SOX6: variants seen among roughly 807,000 people sequenced by gnomAD.
SOX6 encodes transcription factor SOX-6.
SOX6 carries 11 observed loss-of-function variants against 97.8 expected under a neutral mutation model. The ratio of observed to expected loss-of-function variants is 0.11; its 90% CI spans 0.07 to 0.19. The LOEUF (loss-of-function observed/expected upper bound fraction) is 0.19. Among genes scored for constraint, SOX6 ranks in the 10% least tolerant of loss-of-function variants. The pLI, the probability that SOX6 is intolerant of heterozygous loss-of-function variation, is 1.00. For synonymous variants in SOX6, 360 were observed against 371.4 expected (o/e 0.97, Z 0.35); for missense variants, 810 against 1,039.5 (o/e 0.78, Z 3.04).
At chr11:16,678,718 T>G (rs550373738) in intron 3 of SOX6, among the ~76,000 whole-genome samples, 11 of 152,312 alleles carry the variant, frequency 7.2e-5, no homozygotes, top group African/African-American at 2.6e-4. Flanking sequence ...CGTGACAAAC[T>G]GTACCTGGAG....
intron 4 of SOX6, among the ~76,000 whole-genome samples, chr11:16,566,215 A>G (rs1377260544): frequency 1.3e-5 from 2 of 152,174 alleles, no homozygotes; most frequent in Non-Finnish European, 2.9e-5. Flanking sequence ...GATTTAGGCC[A>G]CTAGCTCCTA....
chr11:16,100,595 T>C (rs1397317960), intron 7 of SOX6, among the ~76,000 whole-genome samples: 3 of 151,538 alleles, frequency 2.0e-5, no homozygotes, highest in African/African-American at 7.3e-5. Flanking sequence ...GAAAATAAAT[T>C]CTTAAATTTT....
At chr11:16,542,888 T>G (rs1216119040) in intron 4 of SOX6, among the ~76,000 whole-genome samples, 2 of 152,118 alleles carry the variant, frequency 1.3e-5, no homozygotes. Flanking sequence ...TTTTTCAGAA[T>G]CAGGGACCAG....
intron 1 of SOX6, among the ~76,000 whole-genome samples, chr11:16,406,849 G>A (rs949719772): frequency 2.6e-5 from 4 of 152,048 alleles, no homozygotes; most frequent in Non-Finnish European, 4.4e-5. Context: ...AACTAATGCT[G>A]TCTACATAGC....
intron 4 of SOX6, among the ~76,000 whole-genome samples, chr11:16,197,125 C>T (rs537927606): frequency 4.6e-5 from 7 of 152,226 alleles, no homozygotes; most frequent in South Asian, 4.1e-4. Context: ...GGAGCCACCA[C>T]GCCCAACATC....
chr11:16,601,718 T>A (rs1201786065), intron 4 of SOX6, among the ~76,000 whole-genome samples: 1 of 152,086 alleles, frequency 6.6e-6, no homozygotes, highest in Non-Finnish European at 1.5e-5. Context: ...GTCACTAATA[T>A]CTTCAATATA....
At chr11:16,510,384 T>C (rs185871545) in intron 4 of SOX6, among the ~76,000 whole-genome samples, 197 of 152,182 alleles carry the variant, frequency 1.3e-3, no homozygotes, top group Middle Eastern at 3.4e-3. Context: ...CTTGTATTAA[T>C]TCAGCATCTG....
At position 16,498,012 on chromosome 11, in the gene SOX6, C is replaced by T. The variant is rs184542352; in HGVS notation, n.610-21624G>A. Among the ~76,000 whole-genome samples, 1,038 of 152,232 alleles carry T rather than the reference C, an allele frequency of 6.8e-3. 8 individuals are homozygous for T. Among genetic ancestry groups the T allele is most frequent in the African/African-American group, 0.024 (991 of 41,530 alleles). On this transcript the variant is annotated intron_variant and non_coding_transcript_variant, in intron 4 of 5. Transcript: ENST00000524520. Reference sequence around the variant, plus strand: ...AGAAGAGCAACTCCAAGACACATAACTGTCAGATTCACCAAAGTTGAAATG... The same window carrying T: ...AGAAGAGCAACTCCAAGACACATAATTGTCAGATTCACCAAAGTTGAAATG...
At chr11:16,020,948 T>C (rs933276986) in intron 12 of SOX6, among the ~76,000 whole-genome samples, 1 of 152,116 alleles carries the variant, frequency 6.6e-6, no homozygotes, top group Non-Finnish European at 1.5e-5. Context: ...ATCAAAAACA[T>C]GCTGCACAAG....
In SOX6 at chr11:16,621,534, C is replaced by T. The variant is rs138259260; in HGVS notation, n.430-9274G>A. ...TTTTTCCTGAGAGTATAGTGTTGTA[C>T]ATAAAGATGAGCTAGAGTATTAGAT... On this transcript the variant is annotated intron_variant and non_coding_transcript_variant, in intron 3 of 5. Coordinates refer to the SOX6 transcript ENST00000524520. Among the ~76,000 whole-genome samples the T allele has an allele frequency of 3.1e-4, 47 of 152,234 alleles. No individual in the cohort carries two copies. In the East Asian group the frequency reaches 8.1e-3, roughly 26 times the overall value.
At chr11:16,549,277 C>T (rs12798801) in intron 4 of SOX6, among the ~76,000 whole-genome samples, 1 of 152,140 alleles carries the variant, frequency 6.6e-6, no homozygotes, top group African/African-American at 2.4e-5. Context: ...TCAAGGGATT[C>T]TCCTGCCTCA....
chr11:16,223,762 T>A lies in SOX6; in HGVS notation c.535+10820A>T, dbSNP rs568071056. Among the ~76,000 whole-genome samples the A allele has an allele frequency of 2.3e-3, 354 of 152,264 alleles. 3 individuals carry two copies. The highest frequency in any genetic ancestry group is 7.6e-3 in the Admixed American group (116 of 15,278). On this transcript the variant is annotated intron_variant, in intron 4 of 15. Transcript: ENST00000683767. ...CTAGCCACCATTTCCTGGTAAGCAA[T>A]CTGAATGGCTTCCAGGAAATTGCTA...
chr11:16,319,684 A>G (rs1373430818), intron 2 of SOX6, among the ~76,000 whole-genome samples: 1 of 151,884 alleles, frequency 6.6e-6, no homozygotes, highest in Non-Finnish European at 1.5e-5. Context: ...ATCCTTTTTT[A>G]TGGCGGCATA....
chr11:16,216,869 T>C (rs1852388272), intron 4 of SOX6, among the ~76,000 whole-genome samples: 1 of 152,110 alleles, frequency 6.6e-6, no homozygotes, highest in Non-Finnish European at 1.5e-5. Context: ...GTAAAATGCT[T>C]CTCAACATCC....
chr11:16,263,642 AGTAACATAATTCATG>A (rs1180524773), intron 3 of SOX6, among the ~76,000 whole-genome samples: 1 of 151,994 alleles, frequency 6.6e-6, no homozygotes, highest in Non-Finnish European at 1.5e-5. Flanking sequence ...TCCAGGTCTA[AGTAACATAATTCATG>A]GTAACATAAT....
At chr11:16,122,369 T>A (rs906485468) in intron 6 of SOX6, among the ~76,000 whole-genome samples, 1 of 152,036 alleles carries the variant, frequency 6.6e-6, no homozygotes, top group African/African-American at 2.4e-5. Context: ...TATTAGAGAC[T>A]AATGATTGTC....
intron 3 of SOX6, among the ~76,000 whole-genome samples, chr11:16,637,269 G>A (rs1241497641): frequency 6.6e-6 from 1 of 152,096 alleles, no homozygotes; most frequent in African/African-American, 2.4e-5. Context: ...CGCCCAGGCT[G>A]GAGTGCAGTG....
chr11:16,613,747 C>T lies in SOX6; in HGVS notation n.430-1487G>A, dbSNP rs1193884262. The stretch of plus-strand genomic sequence containing the variant: ...AGCCCGCTCCAGAGCATCGGGGAAA[C>T]TAGACTGTTCCGTGGATGAACTGCG... On this transcript the variant is annotated intron_variant and non_coding_transcript_variant, in intron 3 of 5. Transcript: ENST00000524520. This position sits in a 1 kb window ranked among gnomAD's most constrained non-coding sequence, Gnocchi z 4.6. 1.3e-5 allele frequency among the ~76,000 whole-genome samples: 2 copies of T among 152,224 alleles called. No individual in the cohort carries two copies. The highest frequency in any genetic ancestry group is 2.9e-5 in the Non-Finnish European group (2 of 68,046).
chr11:16,214,818 C>T (rs1852327494), intron 4 of SOX6, among the ~76,000 whole-genome samples: 1 of 148,624 alleles, frequency 6.7e-6, no homozygotes, highest in Non-Finnish European at 1.5e-5. Context: ...GGCACCATCT[C>T]GGCTCACTGC....
Sources: gnomAD v4.1 joint callset for allele counts (sites outside exome capture counted in the v4.1 genomes callset) on GRCh38, gnomAD v4.1.1 for gene constraint, Gnocchi (gnomAD v3.1) non-coding constraint, MANE v1.5 for transcripts, NCBI Gene and HGNC (gene_info 2026-07-23, HGNC 2026-07-21) for gene names.